Variants in MPP7 observed in about 807,000 individuals in gnomAD.
The protein encoded by MPP7 is MAGUK p55 scaffold protein 7.
MPP7 carries 60 observed loss-of-function variants against 76.5 expected under a neutral mutation model. That is an observed-to-expected ratio of 0.78 (90% CI 0.64 to 0.97). MPP7 has a LOEUF of 0.97. Among genes scored for constraint, MPP7 ranks in the 50% least tolerant of loss-of-function variants. The pLI is 0.00. For missense variants in MPP7, 641 were observed against 694.0 expected, an observed-to-expected ratio of 0.92 and a Z score of 0.86; for synonymous variants, 237 against 244.5, an observed-to-expected ratio of 0.97 and a Z score of 0.29.
At chr10:28,148,774 A>G (rs1191044715) in intron 4 of MPP7, among the ~76,000 whole-genome samples, 1 of 152,170 alleles carries the variant, frequency 6.6e-6, no homozygotes, top group African/African-American at 2.4e-5. Context: ...TTTATATAGC[A>G]GTCTCTAACT....
chr10:28,115,638 T>C lies in MPP7; in HGVS notation c.952+4013A>G, dbSNP rs113415509. On this transcript the variant is annotated intron_variant, in intron 11 of 16. Coordinates refer to ENST00000683449, the MANE Select transcript of MPP7 (RefSeq NM_001318170.2). The stretch of plus-strand genomic sequence containing the variant: ...TATTACAATGACTTGTAGCATCCTG[T>C]GATATATTATTCCTAAGTGTTAAGA... Among the ~76,000 whole-genome samples, 1,091 of 152,330 alleles carry C rather than the reference T, an allele frequency of 7.2e-3. 14 individuals are homozygous for C. The highest frequency in any genetic ancestry group is 0.025 in the African/African-American group (1,038 of 41,574).
chr10:28,120,376 G>A lies in MPP7; in HGVS notation c.705C>T (p.Ala235=). Residue 235 remains alanine, a synonymous_variant, in exon 10 of 17, where the codon GCC becomes GCT. Coordinates refer to ENST00000683449, the MANE Select transcript of MPP7 (RefSeq NM_001318170.2). ...PSKEGKMFIK[A]LFDYNPNEDK... ...CCTCATTAGGATTATAGTCAAAGAG[G>A]GCTTTGATAAACATCTGGAAGAAAA... 3.1e-6 allele frequency: 5 copies of A among 1,606,118 alleles called. No individual in the cohort carries two copies. The highest frequency in any genetic ancestry group is 1.1e-5 in the South Asian group (1 of 88,948).
chr10:28,218,854 G>C (rs1013110194), intron 2 of MPP7, among the ~76,000 whole-genome samples: 3 of 152,226 alleles, frequency 2.0e-5, no homozygotes, highest in African/African-American at 4.8e-5. Context: ...ACGACCTAGG[G>C]CCGATTAGAA....
intron 12 of MPP7, among the ~76,000 whole-genome samples, chr10:28,075,594 T>G (rs574262745): frequency 2.0e-5 from 3 of 152,316 alleles, no homozygotes; most frequent in Non-Finnish European, 4.4e-5. Context: ...TCCTGCTTCC[T>G]GAAACGTGGC....
At chr10:28,274,197 G>C (rs1416075059) in intron 1 of MPP7, among the ~76,000 whole-genome samples, 1 of 147,334 alleles carries the variant, frequency 6.8e-6, no homozygotes. Context: ...CTGCCTCCCA[G>C]GTTCATGCCA....
At chr10:28,147,399 T>A (rs112863156) in intron 5 of MPP7, 84 bp downstream of exon 5, 17 of 1,018,092 alleles carry the variant, frequency 1.7e-5, no homozygotes, top group Non-Finnish European at 2.7e-5. Context: ...TACTTGAGAA[T>A]TGATGCTCGA....
chr10:28,131,818 G>T (rs1015174686), intron 5 of MPP7, 127 bp from the exon 6 acceptor site: 53 of 335,452 alleles, frequency 1.6e-4, no homozygotes, highest in African/African-American at 1.0e-3. Context: ...TTTTGACATA[G>T]TAGTGGTAAT....
chr10:28,254,819 C>T (rs1839733470), intron 1 of MPP7: 1 of 152,138 alleles, frequency 6.6e-6, no homozygotes, highest in South Asian at 2.1e-4. Flanking sequence ...TGCCCAAACA[C>T]ACACAGGACT....
chr10:28,185,182 G>A (rs1302536591), intron 3 of MPP7, among the ~76,000 whole-genome samples: 1 of 148,200 alleles, frequency 6.7e-6, no homozygotes, highest in Admixed American at 6.8e-5. Context: ...ATGAAAATAA[G>A]TTATAAATTA....
In MPP7 at chr10:28,302,269, T is replaced by C. The variant is rs74129042; in HGVS notation, c.-132+592A>G. On this transcript the variant is annotated intron_variant, in intron 1 of 16. Transcript: ENST00000683449. ...CAAAGCTGAGTTACTCGGCTGGGTC[T>C]ACCTGTCACTTAAGAAAAAGCCCCC... Among the ~76,000 whole-genome samples, 1,409 of 152,290 alleles carry C rather than the reference T, an allele frequency of 9.3e-3. 20 individuals carry two copies. Among genetic ancestry groups the C allele is most frequent in the African/African-American group, 0.032 (1,324 of 41,548 alleles).
intron 1 of MPP7, among the ~76,000 whole-genome samples, chr10:28,294,455 G>C (rs974413235): frequency 1.3e-5 from 2 of 152,186 alleles, no homozygotes; most frequent in Non-Finnish European, 2.9e-5. Flanking sequence ...AAACTATAAG[G>C]GTTATTGTGA....
At chr10:28,118,002 GCAAAAA>G in intron 11 of MPP7, 7 of 679,006 alleles carry the variant, frequency 1.0e-5, no homozygotes, top group Non-Finnish European at 1.3e-5. Context: ...GGCAGAAAAA[GCAAAAA>G]CAAAAACAAA....
chr10:28,160,308 T>C (rs1172811308), intron 3 of MPP7, among the ~76,000 whole-genome samples: 1 of 152,200 alleles, frequency 6.6e-6, no homozygotes, highest in African/African-American at 2.4e-5. Context: ...TTAAAAAGAC[T>C]TGACAGTAAA....
rs1041793981 is a variant in MPP7 at position 28,265,976 on chromosome 10, T to C, written c.-131-27241A>G. On this transcript the variant is annotated intron_variant, in intron 1 of 16. Coordinates refer to ENST00000683449, the MANE Select transcript of MPP7 (RefSeq NM_001318170.2). ...CACAAGGGCCTTCTGTTCTGTTTTG[T>C]TTTGTTTTGGAGACAGGGTCTCACT... 8.5e-4 allele frequency among the ~76,000 whole-genome samples: 129 copies of C among 152,138 alleles called. 1 individual carries two copies. The highest frequency in any genetic ancestry group is 4.4e-5 in the Non-Finnish European group (3 of 68,010).
chr10:28,100,200 C>G (rs1853762253), intron 11 of MPP7, among the ~76,000 whole-genome samples: 1 of 150,098 alleles, frequency 6.7e-6, no homozygotes, highest in African/African-American at 2.4e-5. Flanking sequence ...TTCTGACAAC[C>G]AAACATTGAA....
At chr10:28,218,048 T>C (rs1231722501) in intron 2 of MPP7, among the ~76,000 whole-genome samples, 2 of 152,152 alleles carry the variant, frequency 1.3e-5, no homozygotes, top group African/African-American at 4.8e-5. Flanking sequence ...TAAATGAAAA[T>C]AACGATGTGT....
intron 2 of MPP7, among the ~76,000 whole-genome samples, chr10:28,312,174 T>C (rs1469622710): frequency 6.6e-6 from 1 of 152,202 alleles, no homozygotes; most frequent in Non-Finnish European, 1.5e-5. Flanking sequence ...CTGGCTGGGA[T>C]GGCCAGCCTT....
intron 3 of MPP7, among the ~76,000 whole-genome samples, chr10:28,176,667 G>A (rs1033807927): frequency 6.6e-5 from 10 of 152,046 alleles, no homozygotes; most frequent in African/African-American, 2.4e-4. Context: ...AACTCAGGAG[G>A]CAAAGGTTGC....
At chr10:28,312,944 TAG>T (rs1554870063) in intron 2 of MPP7, among the ~76,000 whole-genome samples, 1 of 152,122 alleles carries the variant, frequency 6.6e-6, no homozygotes, top group Non-Finnish European at 1.5e-5. Flanking sequence ...TACAGCAACA[TAG>T]AAAACAGCAC....
Sources: allele counts gnomAD v4.1 joint callset (sites outside exome capture counted in the v4.1 genomes callset), GRCh38; gene constraint gnomAD v4.1.1; transcripts MANE v1.5; gene names NCBI Gene and HGNC (gene_info 2026-07-23, HGNC 2026-07-21).